RAD51B: variants seen among roughly 807,000 people sequenced by gnomAD.
The protein encoded by RAD51B is DNA repair protein RAD51 homolog 2.
In RAD51B, 38 loss-of-function variants were observed where a neutral mutation model predicts 42.2. The ratio of observed to expected loss-of-function variants is 0.90; its 90% CI spans 0.70 to 1.18. The LOEUF (loss-of-function observed/expected upper bound fraction) is 1.18, where lower values mean the gene tolerates loss of function less well. RAD51B is among the 50% of genes most tolerant of loss of function. The probability of loss-of-function intolerance (pLI) is 0.00; values close to 1 mark genes in which losing one functional copy is unlikely to be tolerated. For missense variants in RAD51B, 373 were observed against 400.7 expected (o/e 0.93, Z 0.59); for synonymous variants, 154 against 145.2 (o/e 1.06, Z -0.43).
chr14:67,915,681 A>G (rs1038679419), intron 7 of RAD51B, among the ~76,000 whole-genome samples: 7 of 152,234 alleles, frequency 4.6e-5, no homozygotes, highest in African/African-American at 1.4e-4. Context: ...TGTCATTCTT[A>G]TATAAGAGTT....
intron 4 of RAD51B, among the ~76,000 whole-genome samples, chr14:67,864,143 C>T (rs1453191186): frequency 6.6e-6 from 1 of 152,130 alleles, no homozygotes; most frequent in Non-Finnish European, 1.5e-5. Context: ...AAACTGCCAC[C>T]ATGATCTAAT....
intron 7 of RAD51B, among the ~76,000 whole-genome samples, chr14:68,251,228 C>T (rs2080625408): frequency 6.6e-6 from 1 of 152,004 alleles, no homozygotes; most frequent in African/African-American, 2.4e-5. Flanking sequence ...TGCTTATGGA[C>T]TTAACATCAC....
intron 9 of RAD51B, among the ~76,000 whole-genome samples, chr14:68,423,912 AT>A (rs2084772075): frequency 6.6e-6 from 1 of 152,252 alleles, no homozygotes. Context: ...GGTCTTCTGA[AT>A]CTCACCATTC....
chr14:68,567,979 A>G (rs1889506008), intron 10 of RAD51B, among the ~76,000 whole-genome samples: 1 of 152,272 alleles, frequency 6.6e-6, no homozygotes, highest in Non-Finnish European at 1.5e-5. Context: ...GGAGTTACAC[A>G]AGTTATAGCC....
intron 7 of RAD51B, among the ~76,000 whole-genome samples, chr14:68,090,723 T>C (rs2077079684): frequency 6.6e-6 from 1 of 150,974 alleles, no homozygotes; most frequent in Non-Finnish European, 1.5e-5. Flanking sequence ...TATTATACTT[T>C]AAGTTTTAGG....
At chr14:68,228,149 A>C (rs895558815) in intron 7 of RAD51B, among the ~76,000 whole-genome samples, 7 of 152,112 alleles carry the variant, frequency 4.6e-5, no homozygotes, top group African/African-American at 1.7e-4. Flanking sequence ...TAGTCTGAAA[A>C]TCAGGTTTCT....
chr14:68,337,187 T>C (rs1260822090), intron 8 of RAD51B, among the ~76,000 whole-genome samples: 1 of 152,198 alleles, frequency 6.6e-6, no homozygotes, highest in African/African-American at 2.4e-5. Flanking sequence ...ATTGCCTCTT[T>C]TGCACACACC....
At chr14:68,026,538 G>A (rs181537021) in intron 7 of RAD51B, among the ~76,000 whole-genome samples, 2 of 151,792 alleles carry the variant, frequency 1.3e-5, no homozygotes, top group African/African-American at 4.8e-5. Flanking sequence ...CCAGTGTTGG[G>A]TGGGTATATA....
At chr14:68,404,574 C>G (rs141991308) in intron 8 of RAD51B, among the ~76,000 whole-genome samples, 7 of 152,296 alleles carry the variant, frequency 4.6e-5, no homozygotes, top group African/African-American at 1.7e-4. Flanking sequence ...CTCCCTCTCT[C>G]AAGTGATTCT....
chr14:68,360,240 G>A (rs2082995639), intron 8 of RAD51B, among the ~76,000 whole-genome samples: 1 of 152,142 alleles, frequency 6.6e-6, no homozygotes, highest in Non-Finnish European at 1.5e-5. Context: ...CCCACCACGT[G>A]CCTCTGCAGC....
chr14:67,828,511 T>C (rs1193555310), intron 3 of RAD51B, among the ~76,000 whole-genome samples: 2 of 152,226 alleles, frequency 1.3e-5, no homozygotes, highest in Non-Finnish European at 1.5e-5. Context: ...ATTTTGCTTT[T>C]GTTCCAATTA....
At chr14:68,218,045 T>A (rs1399665514) in intron 7 of RAD51B, among the ~76,000 whole-genome samples, 1 of 152,156 alleles carries the variant, frequency 6.6e-6, no homozygotes, top group Non-Finnish European at 1.5e-5. Context: ...TACAGTTAAA[T>A]CAACTTCACA....
At chr14:67,940,044 ATATATATATATTTTTTTTTTTTTTTTTTT>A (rs1159266037) in intron 7 of RAD51B, among the ~76,000 whole-genome samples, 5 of 14,928 alleles carry the variant, frequency 3.3e-4, no homozygotes, top group Non-Finnish European at 6.5e-4. Context: ...ATATATATAT[ATATATATATATTTTTTTTTTTTTTTTTTT>A]TTTTTTTTTT....
At chr14:67,852,037 C>T (rs1435777987) in intron 4 of RAD51B, among the ~76,000 whole-genome samples, 1 of 151,714 alleles carries the variant, frequency 6.6e-6, no homozygotes, top group Non-Finnish European at 1.5e-5. Context: ...TACTTACTCT[C>T]AGGCTCTTCA....
intron 10 of RAD51B, among the ~76,000 whole-genome samples, chr14:68,640,652 C>T (rs1892441638): frequency 6.6e-6 from 1 of 152,172 alleles, no homozygotes; most frequent in Admixed American, 6.5e-5. Context: ...AAGAGGGAGA[C>T]TCAGCCCTAG....
At chr14:67,927,125 G>A (rs1486993387) in intron 7 of RAD51B, among the ~76,000 whole-genome samples, 1 of 152,092 alleles carries the variant, frequency 6.6e-6, no homozygotes, top group Non-Finnish European at 1.5e-5. Flanking sequence ...AATAATTCTT[G>A]AATCTTATTT....
chr14:68,650,741 G>A (rs1892683044), intron 10 of RAD51B: 2 of 730,794 alleles, frequency 2.7e-6, no homozygotes, highest in East Asian at 5.0e-5. Flanking sequence ...AATAGGAAAA[G>A]CTAGGTTCCT....
intron 7 of RAD51B, among the ~76,000 whole-genome samples, chr14:68,183,235 G>A (rs2079088567): frequency 6.6e-6 from 1 of 152,208 alleles, no homozygotes; most frequent in African/African-American, 2.4e-5. Flanking sequence ...GAAACCAACA[G>A]TGCAGCTTTC....
chr14:68,512,298 A>G (rs572290278), intron 10 of RAD51B, among the ~76,000 whole-genome samples: 6 of 152,338 alleles, frequency 3.9e-5, no homozygotes, highest in African/African-American at 1.4e-4. Flanking sequence ...GGGAACCCAG[A>G]CTAGCTGGAG....
Sources: allele counts gnomAD v4.1 joint callset (sites outside exome capture counted in the v4.1 genomes callset), GRCh38; gene constraint gnomAD v4.1.1; transcripts MANE v1.5; gene names NCBI Gene and HGNC (gene_info 2026-07-23, HGNC 2026-07-21).